Variants in MIA2 observed in about 807,000 individuals in gnomAD.
MIA2 encodes melanoma inhibitory activity protein 2.
Under a neutral mutation model 167.8 loss-of-function variants are expected in MIA2, and 127 were observed. That is an observed-to-expected ratio of 0.76 (90% confidence interval 0.66 to 0.88). The LOEUF is 0.88. Ranked by LOEUF, MIA2 falls within the 40% of genes least tolerant of loss-of-function variation. MIA2 has a pLI of 0.00. For missense variants in MIA2, 1,690 were observed against 1,624.7 expected (o/e 1.04, Z -0.69); for synonymous variants, 552 against 541.9 (o/e 1.02, Z -0.26).
At chr14:39,333,194 G>A (rs2069347190) in intron 25 of MIA2, among the ~76,000 whole-genome samples, 1 of 151,986 alleles carries the variant, frequency 6.6e-6, no homozygotes, top group South Asian at 2.1e-4. Context: ...TTAAGGATGG[G>A]TCACATTCTC....
rs1394976496 is a variant in MIA2, at chr14:39,246,086, A to ATTTG, written c.337-822_337-821insGTTT. On this transcript the variant is annotated intron_variant, in intron 3 of 28. Coordinates refer to ENST00000640607, the MANE Select transcript of MIA2 (RefSeq NM_001329214.4). Reference sequence around the variant, plus strand: ...ATTTCAATTATTTTTAAAAATTTTTATTTATTTATTTATTTATTTATTTAT... The same window carrying ATTTG: ...ATTTCAATTATTTTTAAAAATTTTTATTTGTTTATTTATTTATTTATTTATTTAT... Among the ~76,000 whole-genome samples the ATTTG allele has an allele frequency of 4.7e-5, 7 of 148,680 alleles. 1 individual carries two copies. In the East Asian group the frequency reaches 7.9e-4, roughly 17 times the overall value.
chr14:39,326,952 G>C lies in MIA2; in HGVS notation c.3585G>C (p.Arg1195Ser), dbSNP rs1162482424. 5 of 1,589,286 alleles carry C rather than the reference G, an allele frequency of 3.1e-6. No homozygotes were observed. The Admixed American group carries it at 5.3e-5, about 17-fold the overall frequency. The change falls in exon 25 of 29, where the codon AGG (arginine) becomes AGC (serine). Residue 1195 changes from arginine to serine, a missense_variant. Physicochemically the swap from Arg to Ser is moderately radical, Grantham distance 110. Coordinates refer to ENST00000640607, the MANE Select transcript of MIA2 (RefSeq NM_001329214.4). ...SSCDRLTDPH[R>S]APSDTGSLSP... ...GTGATAGGTTAACCGATCCTCATAG[G>C]GCTCCCTCTGACACTGGGTCTCTGT...
chr14:39,353,975 T>C (rs1021968552), downstream of MIA2, among the ~76,000 whole-genome samples: 1 of 152,216 alleles, frequency 6.6e-6, no homozygotes, highest in East Asian at 1.9e-4. Context: ...TGTCGGACAT[T>C]TGGGTTGGTT....
intron 23 of MIA2, among the ~76,000 whole-genome samples, chr14:39,372,525 G>A (rs1374771003): frequency 1.3e-5 from 2 of 152,102 alleles, no homozygotes; most frequent in African/African-American, 4.8e-5. Context: ...GTTCTGTTCT[G>A]GGTACCATAT....
chr14:39,289,967 C>G (rs368778349), intron 9 of MIA2, among the ~76,000 whole-genome samples: 1 of 152,152 alleles, frequency 6.6e-6, no homozygotes, highest in Non-Finnish European at 1.5e-5. Context: ...GTCGTCTTGC[C>G]TCCTCCTTTT....
At chr14:39,354,366 T>C (rs1182940299), downstream of MIA2, among the ~76,000 whole-genome samples, 2 of 152,236 alleles carry the variant, frequency 1.3e-5, no homozygotes, top group African/African-American at 4.8e-5. Context: ...ATGTCTTCTT[T>C]TGAGAAGTGT....
chr14:39,234,471 C>G (rs1220005495), intron 1 of MIA2, among the ~76,000 whole-genome samples: 2 of 152,006 alleles, frequency 1.3e-5, no homozygotes, highest in African/African-American at 4.8e-5. Context: ...AGTTAAAAAA[C>G]TAGTCAGTCC....
intron 6 of MIA2, among the ~76,000 whole-genome samples, chr14:39,256,167 A>G (rs1298622258): frequency 6.6e-6 from 1 of 152,216 alleles, no homozygotes; most frequent in Admixed American, 6.5e-5. Flanking sequence ...TTGCTTACAT[A>G]GACATGGACT....
At chr14:39,249,222 T>C (rs715136) in intron 4 of MIA2, among the ~76,000 whole-genome samples, 99,348 of 152,070 alleles carry the variant, frequency 0.65, 33,944 homozygotes, top group African/African-American at 0.86. Context: ...TTCACTGCAG[T>C]CTCAATCTCC....
chr14:39,293,530 C>A (rs1333630928), intron 11 of MIA2, 149 bp downstream of exon 11: 3 of 556,626 alleles, frequency 5.4e-6, no homozygotes, highest in Non-Finnish European at 9.4e-6. Flanking sequence ...TAGATCCATT[C>A]TTTTCACTTC....
At chr14:39,266,582 C>G (rs1364521229) in intron 6 of MIA2, 1 of 985,526 alleles carries the variant, frequency 1.0e-6, no homozygotes, top group Non-Finnish European at 1.2e-6. Flanking sequence ...TAAACTCTGA[C>G]CAAACCACAG....
chr14:39,347,809 A>C (rs1402495572), intron 27 of MIA2, 38 bp downstream of exon 27: 1 of 1,332,436 alleles, frequency 7.5e-7, no homozygotes, highest in Non-Finnish European at 1.0e-6. Flanking sequence ...GCATGTATTC[A>C]GAAGCCTTCT....
intron 6 of MIA2, among the ~76,000 whole-genome samples, chr14:39,268,864 C>G (rs1363225578): frequency 6.6e-6 from 1 of 152,080 alleles, no homozygotes; most frequent in Non-Finnish European, 1.5e-5. Context: ...TAGAAGGACT[C>G]CCAGGTTTCT....
intron 2 of MIA2, among the ~76,000 whole-genome samples, chr14:39,237,579 G>A (rs2053813340): frequency 6.6e-6 from 1 of 152,198 alleles, no homozygotes. Flanking sequence ...TGGGAAGGCA[G>A]TATGGTTGGG....
chr14:39,359,444 A>G (rs2074622142), intron 23 of MIA2, among the ~76,000 whole-genome samples: 1 of 152,170 alleles, frequency 6.6e-6, no homozygotes, highest in Non-Finnish European at 1.5e-5. Context: ...TCCAGGTGCC[A>G]TCTGTCACCC....
chr14:39,250,154 C>T (rs531092072), intron 4 of MIA2, among the ~76,000 whole-genome samples: 1 of 152,162 alleles, frequency 6.6e-6, no homozygotes, highest in South Asian at 2.1e-4. Flanking sequence ...CAGACTACAA[C>T]CAAACAATAT....
intron 25 of MIA2, among the ~76,000 whole-genome samples, chr14:39,336,005 G>C (rs191729171): frequency 1.3e-4 from 20 of 152,188 alleles, no homozygotes; most frequent in African/African-American, 4.1e-4. Context: ...CCAGTCCACC[G>C]TTGGTGGGTA....
At chr14:39,341,971 C>T (rs2071976299) in intron 25 of MIA2, among the ~76,000 whole-genome samples, 1 of 151,702 alleles carries the variant, frequency 6.6e-6, no homozygotes, top group Non-Finnish European at 1.5e-5. Context: ...AGAAACAAAA[C>T]CACAGAAAGG....
intron 4 of MIA2, among the ~76,000 whole-genome samples, chr14:39,249,140 TTTC>T (rs1381465191): frequency 1.3e-5 from 2 of 152,014 alleles, no homozygotes; most frequent in African/African-American, 4.8e-5. Context: ...TAACAAGAGT[TTTC>T]TTTTGTTTTT....
Sources: gnomAD v4.1 joint callset for allele counts (sites outside exome capture counted in the v4.1 genomes callset) on GRCh38, gnomAD v4.1.1 for gene constraint, MANE v1.5 for transcripts, NCBI Gene and HGNC (gene_info 2026-07-23, HGNC 2026-07-21) for gene names.